Variants in TNFRSF10B observed in about 807,000 individuals in gnomAD.
The protein encoded by TNFRSF10B is TNF receptor superfamily member 10b.
TNFRSF10B carries 35 observed loss-of-function variants against 41.4 expected under a neutral mutation model. That is an observed-to-expected ratio of 0.85 (90% CI 0.65 to 1.12). The LOEUF is 1.12. TNFRSF10B is among the 50% of genes most tolerant of loss of function. The pLI, the probability that TNFRSF10B is intolerant of heterozygous loss-of-function variation, is 0.00. For missense variants in TNFRSF10B, 584 were observed against 552.7 expected (o/e 1.06, Z -0.57); for synonymous variants, 230 against 215.5 (o/e 1.07, Z -0.59).
chr8:23,027,698 C>T, intron 6 of TNFRSF10B, 24 bp downstream of exon 6: 1 of 1,614,072 alleles, frequency 6.2e-7, no homozygotes, highest in Non-Finnish European at 8.5e-7. Context: ...CCTGAGCCCC[C>T]AGCTCCTGGA....
chr8:23,052,855 C>T (rs193056103), intron 1 of TNFRSF10B, among the ~76,000 whole-genome samples: 269 of 152,226 alleles, frequency 1.8e-3, no homozygotes, highest in Middle Eastern at 0.01. Flanking sequence ...ATTCTAGATA[C>T]GGCCTGGGGA....
At chr8:23,028,915 G>C (rs1428099508) in intron 4 of TNFRSF10B, among the ~76,000 whole-genome samples, 2 of 152,224 alleles carry the variant, frequency 1.3e-5, no homozygotes, top group South Asian at 4.1e-4. Context: ...CACACTCCAG[G>C]GGAAGGTCAC....
chr8:23,040,593 C>A (rs1812164849), intron 2 of TNFRSF10B, among the ~76,000 whole-genome samples: 1 of 150,440 alleles, frequency 6.6e-6, no homozygotes, highest in Admixed American at 6.6e-5. Flanking sequence ...AAGGGAGGAA[C>A]AAAATATATA....
chr8:23,047,907 A>G (rs1458324412), intron 1 of TNFRSF10B, among the ~76,000 whole-genome samples: 1 of 152,260 alleles, frequency 6.6e-6, no homozygotes, highest in Non-Finnish European at 1.5e-5. Context: ...CTGCACTTCC[A>G]TGTTCATTGC....
rs140150340 is a variant in TNFRSF10B at position 23,034,110 on chromosome 8, C to A, written c.251-3238G>T. On this transcript the variant is annotated intron_variant, in intron 2 of 8. Transcript: ENST00000276431. ...AATTACAAATTGATGTTAATGGGCA[C>A]ACAATGTACAAGGATGTGATCTATA... Among the ~76,000 whole-genome samples, 454 of 152,278 alleles carry A rather than the reference C, an allele frequency of 3.0e-3. 4 individuals are homozygous for A. Among genetic ancestry groups the A allele is most frequent in the Admixed American group, 0.012 (182 of 15,300 alleles).
chr8:23,036,195 A>G (rs1271103255), intron 2 of TNFRSF10B, among the ~76,000 whole-genome samples: 2 of 152,228 alleles, frequency 1.3e-5, no homozygotes, highest in Non-Finnish European at 2.9e-5. Flanking sequence ...CTGACTGCTC[A>G]TCGTGAACTG....
chr8:23,020,258 G>A lies in TNFRSF10B; in HGVS notation c.*2413C>T, dbSNP rs1303248715. 2.2e-6 allele frequency: 1 copy of A among 454,150 alleles called. No homozygotes were observed. Among genetic ancestry groups the A allele is most frequent in the Admixed American group, 2.3e-5 (1 of 42,578 alleles). 28.1% of individuals were successfully genotyped at this position (454,150 alleles called of 1,614,324 possible). A position where few individuals can be genotyped will look rare whatever the true frequency, so the allele number is the denominator to read the frequency against. ...AATAGGGACCTTTGACAGGGCAGAAGCATGAAAGGACACCAACCACGAGTG... is the reference window on the plus strand; with the variant it reads ...AATAGGGACCTTTGACAGGGCAGAAACATGAAAGGACACCAACCACGAGTG... On this transcript the variant is annotated 3_prime_UTR_variant, in exon 9 of 9. Transcript: ENST00000276431.
At chr8:23,044,238 A>G (rs1023752396) in intron 1 of TNFRSF10B, among the ~76,000 whole-genome samples, 1 of 152,228 alleles carries the variant, frequency 6.6e-6, no homozygotes, top group Non-Finnish European at 1.5e-5. Context: ...CATAGGAACT[A>G]TTCTTCCTGA....
intron 1 of TNFRSF10B, among the ~76,000 whole-genome samples, chr8:23,063,563 A>G (rs572085590): frequency 6.6e-6 from 1 of 152,224 alleles, no homozygotes; most frequent in East Asian, 1.9e-4. Flanking sequence ...AAACACTAGA[A>G]TCCACCACAA....
At chr8:23,059,507 G>T (rs1386029240) in intron 1 of TNFRSF10B, among the ~76,000 whole-genome samples, 8 of 123,448 alleles carry the variant, frequency 6.5e-5, no homozygotes, top group Non-Finnish European at 1.4e-4. Context: ...TTGTGTGTGT[G>T]TGTTGTTTTT....
chr8:23,046,971 C>A (rs1585219493), intron 1 of TNFRSF10B, among the ~76,000 whole-genome samples: 1 of 152,150 alleles, frequency 6.6e-6, no homozygotes, highest in Non-Finnish European at 1.5e-5. Flanking sequence ...GGATTAAAGA[C>A]TTAAATATAT....
chr8:23,026,275 T>TC (rs1811699571), intron 7 of TNFRSF10B, among the ~76,000 whole-genome samples: 1 of 150,464 alleles, frequency 6.6e-6, no homozygotes, highest in Non-Finnish European at 1.5e-5. Context: ...AGTTTTTTTT[T>TC]GTTTGTTTGT....
In TNFRSF10B at chr8:23,022,896, A is replaced by G; in HGVS notation, c.1098T>C (p.Asn366=). ...PLMRKLGLMD[N]EIKVAKAEAA... ...CCTCAGCTTTAGCCACCTTTATCTC[A>G]TTGTCCATGAGGCCCAACTTCCTCA... The change falls in exon 9 of 9, where the codon AAT becomes AAC. Residue 366 remains asparagine, a synonymous_variant. Transcript: ENST00000276431. 6.2e-7 allele frequency: 1 copy of G among 1,613,920 alleles called. No individual in the cohort carries two copies. Among genetic ancestry groups the G allele is most frequent in the Non-Finnish European group, 8.5e-7 (1 of 1,179,974 alleles).
intron 1 of TNFRSF10B, among the ~76,000 whole-genome samples, chr8:23,063,426 C>G (rs1812890110): frequency 6.6e-6 from 1 of 152,042 alleles, no homozygotes; most frequent in African/African-American, 2.4e-5. Flanking sequence ...TTGTGTACTG[C>G]AGGTCTATGA....
At chr8:23,033,092 A>T (rs189625490) in intron 2 of TNFRSF10B, among the ~76,000 whole-genome samples, 3 of 152,344 alleles carry the variant, frequency 2.0e-5, no homozygotes, top group Admixed American at 1.3e-4. Context: ...AAACACAAGC[A>T]TACAAAATCC....
intron 2 of TNFRSF10B, chr8:23,042,839 G>A (rs1021218914): frequency 3.5e-5 from 11 of 316,766 alleles, no homozygotes; most frequent in Middle Eastern, 9.5e-4. Context: ...CTGAACCTCT[G>A]GCCCTGCCCT....
chr8:23,064,449 G>T (rs909297754), intron 1 of TNFRSF10B, among the ~76,000 whole-genome samples: 8 of 152,368 alleles, frequency 5.3e-5, no homozygotes, highest in Non-Finnish European at 7.3e-5. Flanking sequence ...GAGAATGGGC[G>T]TGTGGCCAGA....
chr8:23,056,314 T>C (rs1371814493), intron 1 of TNFRSF10B, among the ~76,000 whole-genome samples: 1 of 152,232 alleles, frequency 6.6e-6, no homozygotes, highest in Non-Finnish European at 1.5e-5. Context: ...TAAGTAGATT[T>C]ACTTTGTTTT....
intron 1 of TNFRSF10B, among the ~76,000 whole-genome samples, chr8:23,063,228 A>T (rs1054370283): frequency 1.3e-5 from 2 of 151,954 alleles, no homozygotes; most frequent in African/African-American, 4.8e-5. Flanking sequence ...AGCGCCTGTA[A>T]TCCCAGCTGT....
Sources: allele counts gnomAD v4.1 joint callset (sites outside exome capture counted in the v4.1 genomes callset), GRCh38; gene constraint gnomAD v4.1.1; transcripts MANE v1.5; gene names NCBI Gene and HGNC (gene_info 2026-07-23, HGNC 2026-07-21).